CMIP: variants seen among roughly 807,000 people sequenced by gnomAD.
The protein encoded by CMIP is c-Maf inducing protein.
A neutral mutation model predicts 97.3 loss-of-function variants in CMIP; 13 were observed. The ratio of observed to expected loss-of-function variants is 0.13; its 90% CI spans 0.09 to 0.21. The LOEUF (loss-of-function observed/expected upper bound fraction) is 0.21. CMIP is among the 10% of genes least tolerant of loss of function. The pLI is 1.00. For missense variants in CMIP, 847 were observed against 1,024.9 expected (o/e 0.83, Z 2.37); for synonymous variants, 538 against 436.3 (o/e 1.23, Z -2.91).
At chr16:81,674,490 A>G (rs1017404872) in intron 9 of CMIP, among the ~76,000 whole-genome samples, 1 of 152,208 alleles carries the variant, frequency 6.6e-6, no homozygotes, top group Non-Finnish European at 1.5e-5. Flanking sequence ...ACATTTGGGA[A>G]CACATCCCTT....
chr16:81,684,576 G>A (rs1044902938), intron 10 of CMIP, among the ~76,000 whole-genome samples: 2 of 152,256 alleles, frequency 1.3e-5, no homozygotes, highest in Non-Finnish European at 2.9e-5. Context: ...CCCGGGCTTT[G>A]CACTCACAAA....
chr16:81,474,378 C>G (rs532186503), intron 1 of CMIP, among the ~76,000 whole-genome samples: 2 of 152,278 alleles, frequency 1.3e-5, no homozygotes, highest in African/African-American at 4.8e-5. Context: ...CTTCCCCCTT[C>G]CTTTCTCCGC....
rs1046368194 is a variant in CMIP, at chr16:81,621,069, A to G, written c.477+143A>G. 1 of 933,278 alleles carries G rather than the reference A, an allele frequency of 1.1e-6. No individual in the cohort carries two copies. Among genetic ancestry groups the G allele is most frequent in the Non-Finnish European group, 1.6e-6 (1 of 617,388 alleles). 57.8% of individuals were successfully genotyped at this position (933,278 alleles called of 1,614,324 possible). On this transcript the variant is annotated intron_variant, in intron 3 of 20. Transcript: ENST00000537098. This position sits in a 1 kb window ranked among gnomAD's most constrained non-coding sequence, Gnocchi z 4.1. ...CTGAGGAACTTTGTTCCCCTACCTA[A>G]GAGCCCCTGGCCCTTCGTCCTCTGC...
chr16:81,693,558 G>A (rs563452705), intron 13 of CMIP, 71 bp downstream of exon 13: 2 of 1,498,050 alleles, frequency 1.3e-6, no homozygotes, highest in South Asian at 1.3e-5. Context: ...CCCCTTAGAG[G>A]CCTTCTGAAG....
At chr16:81,679,078 G>C (rs1904598025) in intron 10 of CMIP, among the ~76,000 whole-genome samples, 1 of 152,232 alleles carries the variant, frequency 6.6e-6, no homozygotes, top group African/African-American at 2.4e-5. Context: ...GTGTGTCTTT[G>C]AGTGTGTGGA....
chr16:81,607,217 G>A (rs1419348302), intron 1 of CMIP, among the ~76,000 whole-genome samples: 1 of 152,236 alleles, frequency 6.6e-6, no homozygotes, highest in East Asian at 1.9e-4. Context: ...GGAGAAGGTG[G>A]TGGCTTATTG....
Position 81,453,782 on chromosome 16 carries a change from CCTCCCCTAGGTCCTT to C in CMIP, c.300+8243_300+8257del, listed in dbSNP as rs1185225932. On this transcript the variant is annotated intron_variant, in intron 1 of 20. Transcript: ENST00000537098. This position sits in a 1 kb window ranked among gnomAD's most constrained non-coding sequence, Gnocchi z 4.0. Reference sequence around the variant, plus strand: ...TCTTTTTCTTGTGAAATGGGTCTGCCCTCCCCTAGGTCCTTCATTGTCAGGGGGATGGGGAAAGAG... The same window carrying C: ...TCTTTTTCTTGTGAAATGGGTCTGCCCATTGTCAGGGGGATGGGGAAAGAG... 1.3e-5 allele frequency among the ~76,000 whole-genome samples: 2 copies of C among 152,174 alleles called. No individual in the cohort carries two copies. Among genetic ancestry groups the C allele is most frequent in the Non-Finnish European group, 2.9e-5 (2 of 68,042 alleles).
At chr16:81,635,697 C>T (rs560043528) in intron 3 of CMIP, among the ~76,000 whole-genome samples, 8 of 152,266 alleles carry the variant, frequency 5.3e-5, no homozygotes, top group South Asian at 4.1e-4. Flanking sequence ...AAATGATAGA[C>T]GTCAAGCGTC....
intron 1 of CMIP, chr16:81,476,366 A>G (rs941680596): frequency 1.8e-5 from 23 of 1,306,786 alleles, no homozygotes; most frequent in Non-Finnish European, 2.5e-5. Context: ...CTGTGAAAGC[A>G]GGAACCCTTA....
chr16:81,565,847 C>A (rs1200873535), intron 1 of CMIP, among the ~76,000 whole-genome samples: 1 of 152,246 alleles, frequency 6.6e-6, no homozygotes, highest in African/African-American at 2.4e-5. Context: ...TGTGCCGACT[C>A]TCACCCAGCT....
chr16:81,508,090 C>T (rs532504704), intron 1 of CMIP, among the ~76,000 whole-genome samples: 1 of 152,342 alleles, frequency 6.6e-6, no homozygotes, highest in African/African-American at 2.4e-5. Context: ...CCTCCCCCAA[C>T]CTTGTTCTAG....
At chr16:81,654,231 T>TTTATTA (rs58919554) in intron 4 of CMIP, among the ~76,000 whole-genome samples, 3,120 of 150,814 alleles carry the variant, frequency 0.021, 101 homozygotes, top group African/African-American at 0.073. Context: ...CTCCTTGGGC[T>TTTATTA]TTATTATTAT....
At chr16:81,482,214 G>C (rs2089237084) in intron 1 of CMIP, among the ~76,000 whole-genome samples, 1 of 152,032 alleles carries the variant, frequency 6.6e-6, no homozygotes, top group South Asian at 2.1e-4. Context: ...GGTTACACTG[G>C]GCTCACCAGA....
Position 81,709,913 on chromosome 16 carries a change from G to C in CMIP, c.*114G>C, listed in dbSNP as rs1908571268. On this transcript the variant is annotated 3_prime_UTR_variant, in exon 21 of 21. Coordinates refer to ENST00000537098, the MANE Select transcript of CMIP (RefSeq NM_198390.3). ...ACCCTGGTGCCCTGGCTGTGAGATA[G>C]ATGGGGAGTCTTTCTGGGGGCGGAG... The C allele has an allele frequency of 1.8e-6, 1 of 561,184 alleles. No individual in the cohort carries two copies. The highest frequency in any genetic ancestry group is 2.9e-6 in the Non-Finnish European group (1 of 343,210). 34.8% of individuals were successfully genotyped at this position (561,184 alleles called of 1,614,324 possible).
intron 1 of CMIP, among the ~76,000 whole-genome samples, chr16:81,604,195 A>G (rs1287896866): frequency 6.6e-6 from 1 of 151,422 alleles, no homozygotes; most frequent in African/African-American, 2.4e-5. Context: ...GGAGTTCGAG[A>G]CCAGCCTGGC....
At chr16:81,675,857 T>C (rs999110739) in intron 9 of CMIP, among the ~76,000 whole-genome samples, 3 of 152,164 alleles carry the variant, frequency 2.0e-5, no homozygotes, top group Admixed American at 1.3e-4. Context: ...ATTCAGCAGG[T>C]CTGGGGCGGG....
intron 1 of CMIP, among the ~76,000 whole-genome samples, chr16:81,555,738 C>T (rs2090749545): frequency 6.6e-6 from 1 of 152,182 alleles, no homozygotes; most frequent in Non-Finnish European, 1.5e-5. Context: ...ACGTCCCCAC[C>T]TAAGCCTGGG....
intron 1 of CMIP, among the ~76,000 whole-genome samples, chr16:81,567,377 TG>T (rs1379887563): frequency 6.6e-6 from 1 of 152,172 alleles, no homozygotes; most frequent in Non-Finnish European, 1.5e-5. Flanking sequence ...CCGTGGCAGG[TG>T]TTGGGAGGGT....
rs543928801 is a variant in CMIP at position 81,453,961 on chromosome 16, C to A, written c.300+8420C>A. Among the ~76,000 whole-genome samples the A allele has an allele frequency of 6.6e-6, 1 of 152,094 alleles. No homozygotes were observed. The highest frequency in any genetic ancestry group is 1.5e-5 in the Non-Finnish European group (1 of 68,028). On this transcript the variant is annotated intron_variant, in intron 1 of 20. Coordinates refer to ENST00000537098, the MANE Select transcript of CMIP (RefSeq NM_198390.3). The surrounding 1 kb of genome is among the most constrained non-coding windows in gnomAD (Gnocchi z 4.0). ...TGGGAGGAAGAGGAGAGCATGGAAG[C>A]GATGACTACTCCCACCCCAGCATCC...
Sources: gnomAD v4.1 joint callset for allele counts (sites outside exome capture counted in the v4.1 genomes callset) on GRCh38, gnomAD v4.1.1 for gene constraint, Gnocchi (gnomAD v3.1) non-coding constraint, MANE v1.5 for transcripts, NCBI Gene and HGNC (gene_info 2026-07-23, HGNC 2026-07-21) for gene names.